The following EXT1 variants were observed in gnomAD, a reference collection of about 807,000 sequenced individuals.
EXT1 encodes the protein exostosin-1.
EXT1 carries 20 observed loss-of-function variants against 82.5 expected under a neutral mutation model. The observed-to-expected ratio is 0.24, with a 90% CI of 0.17 to 0.35. The LOEUF (loss-of-function observed/expected upper bound fraction) is 0.35. Among genes scored for constraint, EXT1 ranks in the 10% least tolerant of loss-of-function variants. The pLI is 1.00. For missense variants in EXT1, 757 were observed against 936.5 expected, an observed-to-expected ratio of 0.81 and a Z score of 2.50; for synonymous variants, 348 against 350.8, an observed-to-expected ratio of 0.99 and a Z score of 0.09.
At chr8:117,929,707 A>C (rs1814015247) in intron 1 of EXT1, among the ~76,000 whole-genome samples, 1 of 152,182 alleles carries the variant, frequency 6.6e-6, no homozygotes, top group Non-Finnish European at 1.5e-5. Context: ...ATTCCTAACT[A>C]TAAAGCTTTC....
intron 1 of EXT1, among the ~76,000 whole-genome samples, chr8:117,936,287 C>T (rs1279568130): frequency 6.6e-6 from 1 of 152,218 alleles, no homozygotes; most frequent in African/African-American, 2.4e-5. Context: ...CCACATACCC[C>T]ACTGTCACAG....
intron 1 of EXT1, among the ~76,000 whole-genome samples, chr8:118,019,502 A>C (rs1188953978): frequency 6.6e-6 from 1 of 152,246 alleles, no homozygotes; most frequent in Non-Finnish European, 1.5e-5. Context: ...CAGTGAGCAG[A>C]ACCACAAGGT....
intron 1 of EXT1, among the ~76,000 whole-genome samples, chr8:118,031,564 TCTTA>T (rs1171104803): frequency 2.0e-5 from 3 of 151,052 alleles, no homozygotes; most frequent in Non-Finnish European, 4.4e-5. Flanking sequence ...AAGGGAAAAA[TCTTA>T]CTTAAAGTCA....
At chr8:118,022,326 C>CTTTCTTTTTTT (rs1816120049) in intron 1 of EXT1, among the ~76,000 whole-genome samples, 2 of 46,176 alleles carry the variant, frequency 4.3e-5, no homozygotes, top group Non-Finnish European at 4.1e-5. Context: ...CATATATATT[C>CTTTCTTTTTTT]TTTTTTTTTT....
intron 1 of EXT1, among the ~76,000 whole-genome samples, chr8:118,045,047 G>A (rs931493381): frequency 1.3e-5 from 2 of 152,124 alleles, no homozygotes; most frequent in Non-Finnish European, 2.9e-5. Context: ...CTTCTAAAAG[G>A]CTCAACCATA....
chr8:117,959,301 G>A (rs566241811), intron 1 of EXT1, among the ~76,000 whole-genome samples: 12 of 152,218 alleles, frequency 7.9e-5, no homozygotes, highest in Admixed American at 3.3e-4. Flanking sequence ...ACACAAGGCC[G>A]GCCCTGATCA....
intron 1 of EXT1, among the ~76,000 whole-genome samples, chr8:118,089,536 A>G (rs1476502673): frequency 2.0e-5 from 3 of 152,238 alleles, no homozygotes; most frequent in Admixed American, 6.5e-5. Flanking sequence ...AAATATATCC[A>G]CTAAACTATT....
At chr8:118,020,825 A>G (rs1816091277) in intron 1 of EXT1, among the ~76,000 whole-genome samples, 1 of 152,214 alleles carries the variant, frequency 6.6e-6, no homozygotes. Flanking sequence ...TAAAACCAAG[A>G]CAGTAATACC....
chr8:118,074,345 C>A (rs1432794597), intron 1 of EXT1, among the ~76,000 whole-genome samples: 1 of 152,146 alleles, frequency 6.6e-6, no homozygotes, highest in Non-Finnish European at 1.5e-5. Flanking sequence ...GGCCAGCGAC[C>A]CGTGAAGAGC....
At chr8:117,815,474 G>C (rs973504331) in intron 7 of EXT1, among the ~76,000 whole-genome samples, 1 of 152,192 alleles carries the variant, frequency 6.6e-6, no homozygotes, top group Non-Finnish European at 1.5e-5. Flanking sequence ...ATGCAGAAAT[G>C]AGAGGCTTTT....
intron 1 of EXT1, among the ~76,000 whole-genome samples, chr8:117,991,175 A>G (rs1376577362): frequency 2.0e-5 from 3 of 151,746 alleles, no homozygotes; most frequent in African/African-American, 7.3e-5. Flanking sequence ...CAGTGGCGCA[A>G]TCTTGGCTCA....
intron 1 of EXT1, among the ~76,000 whole-genome samples, chr8:117,869,377 T>G (rs1812831301): frequency 6.6e-6 from 1 of 152,216 alleles, no homozygotes; most frequent in African/African-American, 2.4e-5. Context: ...AACTCAGAGC[T>G]GGCTAAGGGG....
chr8:117,986,220 C>T (rs777663175), intron 1 of EXT1, among the ~76,000 whole-genome samples: 3 of 147,554 alleles, frequency 2.0e-5, no homozygotes, highest in African/African-American at 7.5e-5. Context: ...GACGAAGTCT[C>T]GCTCTGTCGC....
chr8:118,103,947 G>A (rs1817767034), intron 1 of EXT1, among the ~76,000 whole-genome samples: 1 of 152,160 alleles, frequency 6.6e-6, no homozygotes, highest in Admixed American at 6.5e-5. Context: ...ACAAACACCT[G>A]ACTCACGCTT....
At chr8:118,024,154 G>C (rs561792830) in intron 1 of EXT1, among the ~76,000 whole-genome samples, 95 of 152,166 alleles carry the variant, frequency 6.2e-4, no homozygotes, top group African/African-American at 2.2e-3. Context: ...AATAAACCAC[G>C]GTAGAAACAA....
intron 1 of EXT1, among the ~76,000 whole-genome samples, chr8:118,091,293 T>C (rs1420477867): frequency 6.6e-6 from 1 of 152,188 alleles, no homozygotes; most frequent in Non-Finnish European, 1.5e-5. Context: ...CATGAGTTAT[T>C]TCAAAGGTGC....
chr8:118,088,499 A>C (rs1817467772), intron 1 of EXT1, among the ~76,000 whole-genome samples: 1 of 151,952 alleles, frequency 6.6e-6, no homozygotes, highest in Admixed American at 6.6e-5. Flanking sequence ...TGCTTAAAAA[A>C]AAAAAAAAGG....
At chr8:117,951,169 G>A (rs1258828994) in intron 1 of EXT1, among the ~76,000 whole-genome samples, 1 of 152,128 alleles carries the variant, frequency 6.6e-6, no homozygotes, top group Non-Finnish European at 1.5e-5. Flanking sequence ...GAGTGTTATC[G>A]TGACTGGTTA....
intron 1 of EXT1, among the ~76,000 whole-genome samples, chr8:117,871,838 AAAAT>A (rs1296467032): frequency 6.6e-6 from 1 of 152,160 alleles, no homozygotes; most frequent in African/African-American, 2.4e-5. Flanking sequence ...AATTGGAGAA[AAAAT>A]AAGCCAGCTC....
Sources: allele counts gnomAD v4.1 joint callset (sites outside exome capture counted in the v4.1 genomes callset), GRCh38; gene constraint gnomAD v4.1.1; transcripts MANE v1.5; gene names NCBI Gene and HGNC (gene_info 2026-07-23, HGNC 2026-07-21).